The following DNAH12 variants were observed in gnomAD, a reference collection of about 807,000 sequenced individuals.
DNAH12 encodes the protein axonemal beta dynein heavy chain 12.
DNAH12 carries 285 observed loss-of-function variants against 371.5 expected under a neutral mutation model. The ratio of observed to expected loss-of-function variants is 0.77; its 90% CI spans 0.70 to 0.85. The LOEUF (loss-of-function observed/expected upper bound fraction) is 0.85, where lower values mean the gene tolerates loss of function less well. DNAH12 is among the 40% of genes least tolerant of loss of function. The pLI is 0.00. For missense variants in DNAH12, 3,611 were observed against 3,689.4 expected (o/e 0.98, Z 0.55); for synonymous variants, 1,200 against 1,213.0 (o/e 0.99, Z 0.22).
At chr3:57,367,765 G>T (rs995886752) in intron 56 of DNAH12, among the ~76,000 whole-genome samples, 7 of 152,088 alleles carry the variant, frequency 4.6e-5, no homozygotes, top group Non-Finnish European at 1.0e-4. Context: ...AAGGGTCACA[G>T]GATAAAGCAA....
chr3:57,335,052 G>A, intron 60 of DNAH12, 112 bp from the exon 61 acceptor site: 2 of 1,126,860 alleles, frequency 1.8e-6, no homozygotes, highest in Non-Finnish European at 2.4e-6. Context: ...TTACCCACCT[G>A]CTGTAAACAA....
At chr3:57,423,106 T>C (rs1485550230) in intron 35 of DNAH12, among the ~76,000 whole-genome samples, 4 of 152,190 alleles carry the variant, frequency 2.6e-5, no homozygotes, top group African/African-American at 9.6e-5. Flanking sequence ...CTTTTGCCTT[T>C]TGAATTTTAC....
In DNAH12 at chr3:57,457,804, G is replaced by A. The variant is rs1475168009; in HGVS notation, c.3253C>T (p.Arg1085Trp). The change falls in exon 22 of 74, where the codon CGG becomes TGG. Residue 1085 changes from arginine to tryptophan, a missense_variant. Physicochemically the swap from Arg to Trp is moderately radical, Grantham distance 101. Transcript: ENST00000495027. ...ATGAGCCACTTTTCCACAGCACCCC[G>A]CGCTGCAGACGTGGAAATGAGTGCA... is the stretch of plus-strand genomic sequence containing the variant. Reference protein sequence around the residue: ...LIALISTSAARGAVEKWLIQV... With the variant: ...LIALISTSAAWGAVEKWLIQV... 9.7e-5 allele frequency: 150 copies of A among 1,551,376 alleles called. No homozygotes were observed. Among genetic ancestry groups the A allele is most frequent in the Non-Finnish European group, 1.2e-4 (142 of 1,146,966 alleles).
intron 1 of DNAH12, among the ~76,000 whole-genome samples, 194 bp downstream of exon 1, chr3:57,544,003 C>T (rs2069415696): frequency 6.6e-6 from 1 of 152,078 alleles, no homozygotes; most frequent in Admixed American, 6.6e-5. Flanking sequence ...GCTGAGATCC[C>T]GCTACCGCAC....
At position 57,483,950 on chromosome 3, in the gene DNAH12, C is replaced by CAAA. The variant is rs71088079; in HGVS notation, c.1515-442_1515-440dup. Among the ~76,000 whole-genome samples, 272 of 63,256 alleles carry CAAA rather than the reference C, an allele frequency of 4.3e-3. 5 individuals carry two copies. The highest frequency in any genetic ancestry group is 9.6e-3 in the Middle Eastern group (1 of 104). The allele number at this position is 63,256 out of a possible 152,430, so 41.5% of individuals were successfully genotyped here. ...TGGGTGACAGAGTGAGACCCTGTCT[C>CAAA]AAAAAAAAAAAAAAAAAAAAAGCTT... is the stretch of plus-strand genomic sequence containing the variant. On this transcript the variant is annotated intron_variant, in intron 12 of 73. Coordinates refer to ENST00000495027, the MANE Select transcript of DNAH12 (RefSeq NM_001366028.2).
chr3:57,309,402 A>AG, intron 68 of DNAH12, 148 bp from the exon 69 acceptor site: 1 of 713,576 alleles, frequency 1.4e-6, no homozygotes, highest in Non-Finnish European at 2.2e-6. Context: ...TATGTACCTT[A>AG]GCTCATCCAC....
At chr3:57,372,185 T>C (rs1402347501) in intron 55 of DNAH12, among the ~76,000 whole-genome samples, 1 of 152,060 alleles carries the variant, frequency 6.6e-6, no homozygotes, top group Non-Finnish European at 1.5e-5. Flanking sequence ...GAATACCCCA[T>C]TATCCTGATT....
intron 59 of DNAH12, among the ~76,000 whole-genome samples, chr3:57,353,218 T>A (rs1277834596): frequency 3.3e-5 from 5 of 152,224 alleles, no homozygotes; most frequent in African/African-American, 1.2e-4. Flanking sequence ...GCTTTCAATT[T>A]TTTTCAGTTT....
intron 69 of DNAH12, among the ~76,000 whole-genome samples, chr3:57,303,947 A>G (rs1056937698): frequency 7.2e-5 from 11 of 152,154 alleles, no homozygotes; most frequent in African/African-American, 2.7e-4. Flanking sequence ...ATTCCACCCC[A>G]AAAGAAGTGA....
chr3:57,436,366 AG>A (rs1419827913), intron 30 of DNAH12, among the ~76,000 whole-genome samples: 1 of 152,154 alleles, frequency 6.6e-6, no homozygotes, highest in Non-Finnish European at 1.5e-5. Context: ...AAACTCTATT[AG>A]TTTCACAATC....
At chr3:57,354,366 T>C (rs1187523297) in intron 59 of DNAH12, among the ~76,000 whole-genome samples, 2 of 151,906 alleles carry the variant, frequency 1.3e-5, no homozygotes, top group Non-Finnish European at 2.9e-5. Context: ...AGGAGGACGG[T>C]GAGGTTCAAA....
intron 70 of DNAH12, among the ~76,000 whole-genome samples, chr3:57,297,737 T>A (rs1038044608): frequency 6.6e-6 from 1 of 152,200 alleles, no homozygotes; most frequent in Admixed American, 6.5e-5. Context: ...GTCTTCTTTC[T>A]GTACCAGTGC....
chr3:57,329,193 C>T (rs892495248), intron 62 of DNAH12, among the ~76,000 whole-genome samples: 1 of 143,744 alleles, frequency 7.0e-6, no homozygotes, highest in Non-Finnish European at 1.5e-5. Flanking sequence ...CCTTTCTTCA[C>T]AGAATTGGGA....
chr3:57,382,040 A>G (rs1437470009), intron 50 of DNAH12, among the ~76,000 whole-genome samples: 6 of 152,114 alleles, frequency 3.9e-5, no homozygotes, highest in East Asian at 1.9e-4. Context: ...GCTAATTTAT[A>G]TATTTTTAGT....
chr3:57,452,376 T>G (rs1241616838), intron 25 of DNAH12, among the ~76,000 whole-genome samples: 2 of 152,158 alleles, frequency 1.3e-5, no homozygotes, highest in Non-Finnish European at 1.5e-5. Context: ...CCCAGGGTTT[T>G]TATAGTTGAA....
At chr3:57,408,132 T>C in intron 40 of DNAH12, 148 bp downstream of exon 40, 1 of 902,572 alleles carries the variant, frequency 1.1e-6, no homozygotes, top group East Asian at 3.1e-5. Flanking sequence ...TTCCCTCATT[T>C]CAAATCCTGT....
intron 33 of DNAH12, among the ~76,000 whole-genome samples, chr3:57,429,101 A>T (rs760670809): frequency 1.1e-4 from 17 of 152,182 alleles, no homozygotes; most frequent in Non-Finnish European, 2.4e-4. Flanking sequence ...TCTTCCTCAA[A>T]ATCAGATCAA....
chr3:57,340,224 G>T (rs1440984686), intron 60 of DNAH12, among the ~76,000 whole-genome samples: 1 of 151,398 alleles, frequency 6.6e-6, no homozygotes, highest in Non-Finnish European at 1.5e-5. Flanking sequence ...AAAACAGAAA[G>T]ATTTCAAATA....
At chr3:57,447,372 A>C (rs2065540527) in intron 25 of DNAH12, among the ~76,000 whole-genome samples, 1 of 152,146 alleles carries the variant, frequency 6.6e-6, no homozygotes, top group South Asian at 2.1e-4. Context: ...AAATTTTTAG[A>C]AACATAAATT....
Sources: allele counts gnomAD v4.1 joint callset (sites outside exome capture counted in the v4.1 genomes callset), GRCh38; gene constraint gnomAD v4.1.1; transcripts MANE v1.5; gene names NCBI Gene and HGNC (gene_info 2026-07-23, HGNC 2026-07-21).